The following GAREM1 variants were observed in gnomAD, a reference collection of about 807,000 sequenced individuals.
The protein encoded by GAREM1 is GRB2-associated and regulator of MAPK protein 1.
GAREM1 carries 26 observed loss-of-function variants against 71.3 expected under a neutral mutation model. That is an observed-to-expected ratio of 0.36 (90% confidence interval 0.27 to 0.51). GAREM1 has a LOEUF of 0.51. Ranked by LOEUF, GAREM1 falls within the 20% of genes least tolerant of loss-of-function variation. The pLI is 0.95. For missense variants in GAREM1, 1,026 were observed against 1,103.1 expected (o/e 0.93, Z 0.99); for synonymous variants, 440 against 433.2 (o/e 1.02, Z -0.20).
intron 3 of GAREM1, among the ~76,000 whole-genome samples, chr18:32,295,731 G>A (rs1228409518): frequency 2.0e-5 from 3 of 152,148 alleles, no homozygotes; most frequent in Non-Finnish European, 1.5e-5. Context: ...GAATTTCTCC[G>A]TAGGAGACAT....
In GAREM1 at chr18:32,443,682, A is replaced by G. The variant is rs552830885; in HGVS notation, c.121+26626T>C. Among the ~76,000 whole-genome samples, 42 of 152,312 alleles carry G rather than the reference A, an allele frequency of 2.8e-4. No homozygotes were observed. In the East Asian group the frequency reaches 5.2e-3, roughly 19 times the overall value. ...TTACACATTGTTCTGGAAATGTAAA[A>G]TGGCACAGACACTCTGGAAAAGAGT... On this transcript the variant is annotated intron_variant, in intron 1 of 5. Coordinates refer to ENST00000269209, the MANE Select transcript of GAREM1 (RefSeq NM_001242409.2).
chr18:32,287,401 C>T lies in GAREM1; in HGVS notation c.1196G>A (p.Ser399Asn). The T allele has an allele frequency of 6.2e-7, 1 of 1,614,242 alleles. No individual in the cohort carries two copies. The highest frequency in any genetic ancestry group is 8.5e-7 in the Non-Finnish European group (1 of 1,180,046). The part of the protein sequence containing the change: ...CVYGNNLHGN[S>N]EVNLHGCRDL... ...CCTGCAACCATGAAGGTTCACCTCA[C>T]TGTTGCCATGGAGATTGTTGCCATA... The change falls in exon 4 of 6, where the codon AGT becomes AAT. Residue 399 changes from serine (S) to asparagine (N), a missense_variant. Transcript: ENST00000269209. This position sits in a 1 kb window ranked among gnomAD's most constrained non-coding sequence, Gnocchi z 5.9.
At chr18:32,438,087 T>G (rs184075881) in intron 1 of GAREM1, among the ~76,000 whole-genome samples, 242 of 152,322 alleles carry the variant, frequency 1.6e-3, no homozygotes, top group African/African-American at 5.6e-3. Context: ...GAACTAAACA[T>G]GTACCTTCCC....
At chr18:32,275,616 A>C (rs1295798559) in intron 4 of GAREM1, among the ~76,000 whole-genome samples, 1 of 152,170 alleles carries the variant, frequency 6.6e-6, no homozygotes, top group Non-Finnish European at 1.5e-5. Flanking sequence ...CCCGGCCTAA[A>C]GCTTTTCTTC....
At chr18:32,422,133 T>C (rs531579933) in intron 1 of GAREM1, among the ~76,000 whole-genome samples, 10 of 152,026 alleles carry the variant, frequency 6.6e-5, no homozygotes, top group Admixed American at 6.6e-5. Flanking sequence ...ATGCTATCCC[T>C]CCCCCCTTCC....
intron 2 of GAREM1, among the ~76,000 whole-genome samples, chr18:32,382,781 T>C (rs570866704): frequency 6.6e-6 from 1 of 152,048 alleles, no homozygotes. Context: ...TGATAGGAAT[T>C]GTGTGGAAAG....
chr18:32,356,732 C>T (rs1018291815), intron 2 of GAREM1, among the ~76,000 whole-genome samples: 1 of 152,016 alleles, frequency 6.6e-6, no homozygotes, highest in African/African-American at 2.4e-5. Context: ...GTCATTTGTC[C>T]CAGGCCACAC....
rs558638151 is a variant in GAREM1 at position 32,463,987 on chromosome 18, T to TA, written c.121+6320dup. ...GTGAAAATAATGATGAGTACGTGGT[T>TA]AAAAAAAAAAAAAAAAAAGGCTGGG... On this transcript the variant is annotated intron_variant, in intron 1 of 5. Transcript: ENST00000269209. 3.0e-3 allele frequency among the ~76,000 whole-genome samples: 365 copies of TA among 123,290 alleles called. 2 individuals carry two copies. The highest frequency in any genetic ancestry group is 8.3e-3 in the Middle Eastern group (2 of 240). The allele number at this position is 123,290 out of a possible 152,430, so 80.9% of individuals were successfully genotyped here. A position where few individuals can be genotyped will look rare whatever the true frequency, so the allele number is the denominator to read the frequency against.
chr18:32,355,854 A>G (rs2047799949), intron 2 of GAREM1, among the ~76,000 whole-genome samples: 1 of 152,246 alleles, frequency 6.6e-6, no homozygotes, highest in Non-Finnish European at 1.5e-5. Flanking sequence ...AAGAATGCAC[A>G]GTACAGTTGA....
Position 32,470,370 on chromosome 18 carries a change from G to C in GAREM1, c.59C>G (p.Ala20Gly). The change falls in exon 1 of 6, where the codon GCC becomes GGC. Residue 20 changes from alanine (A) to glycine (G), a missense_variant. Ala to Gly is a moderately conservative substitution (Grantham distance 60). Coordinates refer to ENST00000269209, the MANE Select transcript of GAREM1 (RefSeq NM_001242409.2). This position sits in a 1 kb window ranked among gnomAD's most constrained non-coding sequence, Gnocchi z 4.4. The part of the protein sequence containing the change: ...SLKDVKWSSV[A>G]VPLDLLVSTY... ...GCTGACCAGGAGGTCGAGCGGCACG[G>C]CCACCGAGCTCCACTTCACATCCTT... is the stretch of plus-strand genomic sequence containing the variant. 1 of 1,555,298 alleles carries C rather than the reference G, an allele frequency of 6.4e-7. No individual in the cohort carries two copies. Among genetic ancestry groups the C allele is most frequent in the Non-Finnish European group, 8.7e-7 (1 of 1,151,466 alleles).
chr18:32,293,061 T>C (rs1156605665), intron 3 of GAREM1, among the ~76,000 whole-genome samples: 1 of 152,052 alleles, frequency 6.6e-6, no homozygotes, highest in East Asian at 1.9e-4. Context: ...ACAGAGCTCC[T>C]TGGGGTTTGG....
chr18:32,444,975 C>A (rs1473275957), intron 1 of GAREM1, among the ~76,000 whole-genome samples: 1 of 152,112 alleles, frequency 6.6e-6, no homozygotes, highest in Non-Finnish European at 1.5e-5. Context: ...TGTAGCGTAT[C>A]CTGCCTCCCT....
chr18:32,455,919 A>G (rs2048882679), intron 1 of GAREM1, among the ~76,000 whole-genome samples: 1 of 152,184 alleles, frequency 6.6e-6, no homozygotes, highest in African/African-American at 2.4e-5. Context: ...AAGATAGTTC[A>G]TATCAGGAAT....
At chr18:32,296,707 G>A (rs73956865) in intron 3 of GAREM1, among the ~76,000 whole-genome samples, 2 of 139,988 alleles carry the variant, frequency 1.4e-5, no homozygotes, top group African/African-American at 5.2e-5. Context: ...TTTCTTGGCA[G>A]TTTTTTTTTT....
rs184313369 is a variant in GAREM1 at position 32,434,356 on chromosome 18, A to C, written c.121+35952T>G. Among the ~76,000 whole-genome samples the C allele has an allele frequency of 2.4e-3, 365 of 152,280 alleles. 3 individuals carry two copies. The highest frequency in any genetic ancestry group is 0.01 in the Middle Eastern group (3 of 294). ...TTTCCTAACTGTGAGCTAGAAGCCT[A>C]GGGCTGTCACTAGTTGTAATAAGCA... On this transcript the variant is annotated intron_variant, in intron 1 of 5. Transcript: ENST00000269209.
chr18:32,284,391 T>G (rs561028353), intron 4 of GAREM1, among the ~76,000 whole-genome samples: 1 of 152,340 alleles, frequency 6.6e-6, no homozygotes, highest in African/African-American at 2.4e-5. Context: ...TGAGATTTGC[T>G]TTTAGTTTCA....
At chr18:32,433,971 T>C (rs1186082333) in intron 1 of GAREM1, among the ~76,000 whole-genome samples, 10 of 152,102 alleles carry the variant, frequency 6.6e-5, no homozygotes, top group South Asian at 2.1e-4. Flanking sequence ...GGAACCACAA[T>C]TGTCAAAATG....
chr18:32,358,067 C>T (rs182729867), intron 2 of GAREM1, among the ~76,000 whole-genome samples: 203 of 152,086 alleles, frequency 1.3e-3, no homozygotes, highest in African/African-American at 4.4e-3. Context: ...GCTATTACCC[C>T]TTAGTTAGCA....
chr18:32,302,289 A>T (rs1229129603), intron 3 of GAREM1, among the ~76,000 whole-genome samples: 1 of 152,224 alleles, frequency 6.6e-6, no homozygotes, highest in Non-Finnish European at 1.5e-5. Flanking sequence ...AAGCAGGATT[A>T]GGCAACGTCT....
Sources: allele counts gnomAD v4.1 joint callset (sites outside exome capture counted in the v4.1 genomes callset), GRCh38; gene constraint gnomAD v4.1.1; non-coding constraint Gnocchi (gnomAD v3.1); transcripts MANE v1.5; gene names NCBI Gene and HGNC (gene_info 2026-07-23, HGNC 2026-07-21).